The following PRKD1 variants were observed in gnomAD, a reference collection of about 807,000 sequenced individuals.
PRKD1 encodes the protein protein kinase D1, also known as serine/threonine-protein kinase D1.
Under a neutral mutation model 95.9 loss-of-function variants are expected in PRKD1, and 63 were observed. The observed-to-expected ratio is 0.66, with a 90% confidence interval of 0.54 to 0.81. The LOEUF (loss-of-function observed/expected upper bound fraction) is 0.81. PRKD1 is among the 30% of genes least tolerant of loss of function. PRKD1 has a pLI of 0.00. For missense variants in PRKD1, 1,048 were observed against 1,165.3 expected (o/e 0.90, Z 1.47); for synonymous variants, 425 against 423.1 (o/e 1.00, Z -0.05).
intron 1 of PRKD1, among the ~76,000 whole-genome samples, chr14:29,850,483 TAC>T (rs1050240111): frequency 2.0e-5 from 3 of 146,426 alleles, no homozygotes; most frequent in Non-Finnish European, 1.5e-5. Flanking sequence ...CACACACATA[TAC>T]ACACACACAC....
At chr14:29,758,144 A>C (rs922035476) in intron 1 of PRKD1, among the ~76,000 whole-genome samples, 13 of 152,082 alleles carry the variant, frequency 8.5e-5, no homozygotes, top group African/African-American at 3.1e-4. Context: ...GTAAATAAAA[A>C]AACTCTCCCT....
intron 1 of PRKD1, among the ~76,000 whole-genome samples, chr14:29,760,164 AAATT>A (rs1887908411): frequency 6.6e-6 from 1 of 152,116 alleles, no homozygotes; most frequent in East Asian, 1.9e-4. Flanking sequence ...AGCCAACTCT[AAATT>A]CCCTTTTACT....
intron 2 of PRKD1, among the ~76,000 whole-genome samples, chr14:29,715,469 C>T (rs1236028673): frequency 2.0e-5 from 3 of 152,086 alleles, no homozygotes; most frequent in Admixed American, 2.0e-4. Context: ...AAAGCTACCA[C>T]AATGAACTGT....
chr14:29,773,936 T>A (rs959887587), intron 1 of PRKD1, among the ~76,000 whole-genome samples: 10 of 152,208 alleles, frequency 6.6e-5, no homozygotes, highest in African/African-American at 2.4e-4. Context: ...AGATACAAAC[T>A]AATAATACAC....
Position 29,634,422 on chromosome 14 carries a change from G to A in PRKD1, c.1310C>T (p.Thr437Met), listed in dbSNP as rs763394987. The change falls in exon 8 of 18, where the codon ACG (threonine) becomes ATG (methionine). Residue 437 changes from threonine to methionine, a missense_variant. Thr to Met is a moderately conservative substitution (Grantham distance 81). Around this residue, in one of 3 missense-constraint regions of PRKD1, gnomAD observed 739 missense variants for 861.9 expected, o/e 0.86. Coordinates refer to ENST00000331968, the MANE Select transcript of PRKD1 (RefSeq NM_002742.3). ...GWMVHYTSKD[T>M]LRKRHYWRLD... ...ATTGTTCCCTGTGGATCTTACCAGC[G>A]TGTCCTTGCTGGTGTAGTGGACCAT... 44 of 1,613,852 alleles carry A rather than the reference G, an allele frequency of 2.7e-5. No homozygotes were observed. The highest frequency in any genetic ancestry group is 5.3e-5 in the African/African-American group (4 of 74,886).
intron 1 of PRKD1, among the ~76,000 whole-genome samples, chr14:29,754,438 G>T (rs540233454): frequency 6.6e-6 from 1 of 152,098 alleles, no homozygotes; most frequent in African/African-American, 2.4e-5. Context: ...TCTCCTAAAT[G>T]GTCTTTGATT....
chr14:29,892,397 C>G (rs1239786554), intron 1 of PRKD1, among the ~76,000 whole-genome samples: 1 of 149,566 alleles, frequency 6.7e-6, no homozygotes, highest in Non-Finnish European at 1.5e-5. Context: ...TATTCTGTGC[C>G]TTTTTCCACT....
chr14:29,601,035 G>A (rs1283130025), intron 13 of PRKD1, among the ~76,000 whole-genome samples: 2 of 152,022 alleles, frequency 1.3e-5, no homozygotes, highest in Non-Finnish European at 2.9e-5. Context: ...GCTAACAGCT[G>A]AAGAGAGAAA....
chr14:29,630,367 T>TG (rs45490893), intron 10 of PRKD1, among the ~76,000 whole-genome samples: 3,154 of 152,186 alleles, frequency 0.021, 108 homozygotes, highest in African/African-American at 0.064. Flanking sequence ...CTAGAACTCT[T>TG]GGCTCAAGTC....
chr14:29,616,777 G>A (rs776025108), intron 13 of PRKD1, among the ~76,000 whole-genome samples: 17 of 152,232 alleles, frequency 1.1e-4, no homozygotes, highest in Non-Finnish European at 2.1e-4. Flanking sequence ...AAAATACTAT[G>A]TGAATATTTC....
At chr14:29,821,918 C>A (rs1566619563) in intron 1 of PRKD1, among the ~76,000 whole-genome samples, 2 of 152,058 alleles carry the variant, frequency 1.3e-5, no homozygotes, top group Non-Finnish European at 2.9e-5. Flanking sequence ...ACAGTCAGAG[C>A]AACCTTTTAA....
chr14:29,599,515 C>A (rs1893435123), intron 14 of PRKD1, 141 bp downstream of exon 14: 1 of 747,692 alleles, frequency 1.3e-6, no homozygotes, highest in Non-Finnish European at 2.1e-6. Context: ...TCACATAATA[C>A]AATAAAGCCA....
intron 1 of PRKD1, among the ~76,000 whole-genome samples, chr14:29,769,759 A>G (rs1221680752): frequency 6.6e-6 from 1 of 152,264 alleles, no homozygotes; most frequent in Non-Finnish European, 1.5e-5. Context: ...ATGGAATATT[A>G]TAAACTCATA....
At chr14:29,683,263 T>G (rs747151661) in intron 2 of PRKD1, among the ~76,000 whole-genome samples, 4 of 152,110 alleles carry the variant, frequency 2.6e-5, no homozygotes, top group African/African-American at 4.8e-5. Context: ...ACGATTAATA[T>G]GGCGAGAATT....
At chr14:29,700,964 ACGCGTGCGCATG>A (rs1283391296) in intron 2 of PRKD1, among the ~76,000 whole-genome samples, 1 of 44,018 alleles carries the variant, frequency 2.3e-5, no homozygotes, top group African/African-American at 1.7e-4. Flanking sequence ...ATTTGTGTGT[ACGCGTGCGCATG>A]CGCGCGCGCG....
At chr14:29,632,377 C>T (rs1049894362) in intron 9 of PRKD1, among the ~76,000 whole-genome samples, 5 of 151,362 alleles carry the variant, frequency 3.3e-5, no homozygotes, top group South Asian at 2.1e-4. Context: ...ATATAGTATG[C>T]CACATCTGTA....
At chr14:29,742,052 A>G (rs1265119192) in intron 1 of PRKD1, among the ~76,000 whole-genome samples, 4 of 152,152 alleles carry the variant, frequency 2.6e-5, no homozygotes, top group African/African-American at 4.8e-5. Flanking sequence ...CAAATCCCCA[A>G]GGAAGTGGTG....
intron 2 of PRKD1, among the ~76,000 whole-genome samples, chr14:29,702,631 A>C (rs1884897965): frequency 6.6e-6 from 1 of 152,060 alleles, no homozygotes; most frequent in South Asian, 2.1e-4. Context: ...CACTTCTAGA[A>C]CAGACTTCAT....
intron 2 of PRKD1, among the ~76,000 whole-genome samples, chr14:29,700,243 T>C (rs1884760513): frequency 6.6e-6 from 1 of 152,178 alleles, no homozygotes; most frequent in South Asian, 2.1e-4. Flanking sequence ...AAACTAACAA[T>C]TTCAATTATC....
Sources: gnomAD v4.1 joint callset for allele counts (sites outside exome capture counted in the v4.1 genomes callset) on GRCh38, gnomAD v4.1.1 for gene constraint, gnomAD v4.1.1 regional missense constraint, MANE v1.5 for transcripts, NCBI Gene and HGNC (gene_info 2026-07-23, HGNC 2026-07-21) for gene names.